The following SPDL1 variants were observed in gnomAD, a reference collection of about 807,000 sequenced individuals.
SPDL1 encodes protein Spindly.
Under a neutral mutation model 79.5 loss-of-function variants are expected in SPDL1, and 85 were observed. The ratio of observed to expected loss-of-function variants is 1.07; its 90% CI spans 0.90 to 1.28. The LOEUF (loss-of-function observed/expected upper bound fraction) is 1.28. SPDL1 is among the 50% of genes most tolerant of loss of function. SPDL1 has a pLI of 0.00. For synonymous variants in SPDL1, 269 were observed against 240.3 expected (o/e 1.12, Z -1.10); for missense variants, 703 against 697.8 (o/e 1.01, Z -0.08).
At chr5:169,595,074 A>G (rs1463099631) in intron 7 of SPDL1, among the ~76,000 whole-genome samples, 6 of 152,102 alleles carry the variant, frequency 3.9e-5, no homozygotes, top group African/African-American at 1.4e-4. Context: ...TCTTTCACCA[A>G]GGCTTATTAT....
intron 11 of SPDL1, chr5:169,601,864 A>G (rs776147543): frequency 1.7e-6 from 1 of 581,364 alleles, no homozygotes; most frequent in Admixed American, 2.7e-5. Flanking sequence ...TTTCTGTTTC[A>G]TGAAAGGGAA....
chr5:169,591,680 C>G (rs1561869377), intron 3 of SPDL1, among the ~76,000 whole-genome samples: 2 of 152,182 alleles, frequency 1.3e-5, no homozygotes, highest in African/African-American at 4.8e-5. Context: ...CCAGTTCTTA[C>G]AATAATATTG....
In SPDL1 at chr5:169,601,396, C is replaced by T; in HGVS notation, c.1441C>T (p.Pro481Ser). The change falls in exon 11 of 12, where the codon CCG becomes TCG. Residue 481 changes from proline to serine, a missense_variant. By Grantham distance (74) the Pro-to-Ser change is moderately conservative. Coordinates refer to ENST00000265295, the MANE Select transcript of SPDL1 (RefSeq NM_017785.5). ...SALGGEVYRL[P>S]PQKEETQSCP... The stretch of plus-strand genomic sequence containing the variant: ...TCTCGGGGGAGAAGTTTATCGATTA[C>T]CGCCTCAGAAAGAGGAGACACAGTC... The T allele has an allele frequency of 6.2e-7, 1 of 1,614,100 alleles. No individual in the cohort carries two copies. The highest frequency in any genetic ancestry group is 8.5e-7 in the Non-Finnish European group (1 of 1,180,028).
Position 169,598,528 on chromosome 5 carries a change from A to C in SPDL1, c.1085A>C (p.Glu362Ala). 1 of 1,613,390 alleles carries C rather than the reference A, an allele frequency of 6.2e-7. No individual in the cohort carries two copies. Among genetic ancestry groups the C allele is most frequent in the South Asian group, 1.1e-5 (1 of 91,056 alleles). The change falls in exon 9 of 12, where the codon GAA becomes GCA. Residue 362 changes from glutamate (E) to alanine (A), a missense_variant. Glu to Ala is a moderately radical substitution (Grantham distance 107). Coordinates refer to ENST00000265295, the MANE Select transcript of SPDL1 (RefSeq NM_017785.5). Reference protein sequence around the residue: ...SKPSVDSGTLEDNTYYTDLLQ... With the variant: ...SKPSVDSGTLADNTYYTDLLQ... Reference sequence around the variant, plus strand: ...CCTTCAGTCGACTCTGGTACTCTGGAAGATAACACCTATTATACAGATTTA... The same window carrying C: ...CCTTCAGTCGACTCTGGTACTCTGGCAGATAACACCTATTATACAGATTTA...
Position 169,591,123 on chromosome 5 carries a change from G to A in SPDL1, c.235G>A (p.Glu79Lys), listed in dbSNP as rs1270395773. The stretch of plus-strand genomic sequence containing the variant: ...TCGAATGTTAGAAAGTTTGAGCTGC[G>A]AATGTGAAGCTATTAAACAACAACA... ...KSRMLESLSC[E>K]CEAIKQQQKM... is the part of the protein sequence containing the mutation. Residue 79 changes from glutamate to lysine, a missense_variant, in exon 3 of 12, where the codon GAA becomes AAA. Transcript: ENST00000265295. The A allele has an allele frequency of 5.6e-6, 9 of 1,613,854 alleles. No individual in the cohort carries two copies. The highest frequency in any genetic ancestry group is 1.3e-5 in the African/African-American group (1 of 74,914).
chr5:169,584,418 A>C (rs1754871223), intron 1 of SPDL1, among the ~76,000 whole-genome samples: 1 of 152,206 alleles, frequency 6.6e-6, no homozygotes, highest in African/African-American at 2.4e-5. Flanking sequence ...GCTGGACAGC[A>C]CTGCCCCAGC....
Position 169,594,208 on chromosome 5 carries a change from A to G in SPDL1, c.595A>G (p.Thr199Ala). ...YRQEQLELLITNLMRQVDRLK... is the reference protein window; with the variant it reads ...YRQEQLELLIANLMRQVDRLK... ...ACAAGAACAGCTAGAACTTCTTATT[A>G]CTAACCTAATGCGCCAGGTAGACCG... Residue 199 changes from threonine to alanine, a missense_variant, in exon 5 of 12, where the codon ACT (threonine) becomes GCT (alanine). Coordinates refer to ENST00000265295, the MANE Select transcript of SPDL1 (RefSeq NM_017785.5). 6.2e-7 allele frequency: 1 copy of G among 1,613,922 alleles called. No homozygotes were observed.
chr5:169,602,395 T>C (rs994451512), intron 11 of SPDL1, among the ~76,000 whole-genome samples: 2 of 152,208 alleles, frequency 1.3e-5, no homozygotes, highest in African/African-American at 4.8e-5. Context: ...GATGTCTGCA[T>C]GCAATGGGAT....
At chr5:169,594,828 T>A in intron 7 of SPDL1, 147 bp downstream of exon 7, 1 of 539,934 alleles carries the variant, frequency 1.9e-6, no homozygotes, top group Non-Finnish European at 3.3e-6. Flanking sequence ...AAATCAATTT[T>A]GAAATTAAAA....
chr5:169,604,348 C>A lies in SPDL1; in HGVS notation c.*141C>A. ...CCTGGCATTTTCATGTGCCTTTGAC[C>A]AAGTGTTCAGAATTTGCTTGACTCT... is the stretch of plus-strand genomic sequence containing the variant. On this transcript the variant is annotated 3_prime_UTR_variant, in exon 12 of 12. Transcript: ENST00000265295. 1 of 821,168 alleles carries A rather than the reference C, an allele frequency of 1.2e-6. No homozygotes were observed. 50.9% of individuals were successfully genotyped at this position (821,168 alleles called of 1,614,324 possible).
In SPDL1 at chr5:169,591,177, C is replaced by G. The variant is rs763020085; in HGVS notation, c.289C>G (p.Gln97Glu). 5.6e-6 allele frequency: 9 copies of G among 1,613,828 alleles called. No individual in the cohort carries two copies. The highest frequency in any genetic ancestry group is 1.7e-5 in the Admixed American group (1 of 59,996). The stretch of plus-strand genomic sequence containing the variant: ...AATGCACCTGGAGAAATTGGAAGAA[C>G]AACTAAGCAGAAGCCATGGACAGGA... ...QKMHLEKLEEQLSRSHGQEVN... is the reference protein window; with the variant it reads ...QKMHLEKLEEELSRSHGQEVN... The change falls in exon 3 of 12, where the codon CAA (glutamine) becomes GAA (glutamate). Residue 97 changes from glutamine to glutamate, a missense_variant. Coordinates refer to ENST00000265295, the MANE Select transcript of SPDL1 (RefSeq NM_017785.5).
chr5:169,601,203 C>A, intron 10 of SPDL1, 77 bp from the exon 11 acceptor site: 1 of 1,293,976 alleles, frequency 7.7e-7, no homozygotes, highest in Non-Finnish European at 1.1e-6. Flanking sequence ...ATACATATAA[C>A]TAGTTCTGGC....
chr5:169,596,837 CCTTATA>C (rs1755612404), intron 8 of SPDL1, 136 bp downstream of exon 8: 3 of 673,334 alleles, frequency 4.5e-6, no homozygotes. Flanking sequence ...GGCTGTTTCT[CCTTATA>C]CTTAAACATC....
Position 169,601,368 on chromosome 5 carries a change from T to C in SPDL1, c.1413T>C (p.Ser471=). ...TTAKDACVNN[S]ALGGEVYRLP... Reference sequence around the variant, plus strand: ...CTAAAGATGCATGTGTCAACAACAGTGCTCTCGGGGGAGAAGTTTATCGAT... The same window carrying C: ...CTAAAGATGCATGTGTCAACAACAGCGCTCTCGGGGGAGAAGTTTATCGAT... Residue 471 remains serine (S), a synonymous_variant, in exon 11 of 12, where the codon AGT becomes AGC. Transcript: ENST00000265295. 1 of 1,614,124 alleles carries C rather than the reference T, an allele frequency of 6.2e-7. No individual in the cohort carries two copies. Among genetic ancestry groups the C allele is most frequent in the Non-Finnish European group, 8.5e-7 (1 of 1,180,006 alleles).
At chr5:169,593,261 C>T in intron 3 of SPDL1, 93 bp from the exon 4 acceptor site, 1 of 1,107,110 alleles carries the variant, frequency 9.0e-7, no homozygotes, top group Non-Finnish European at 1.3e-6. Context: ...ATAGTATCAT[C>T]ATTCAGTAAG....
chr5:169,587,366 G>A (rs561651786), intron 1 of SPDL1: 2 of 152,310 alleles, frequency 1.3e-5, no homozygotes, highest in African/African-American at 2.4e-5. Context: ...GCCCTTTGAA[G>A]GCAAAGGTGA....
At chr5:169,587,761 G>T (rs1755061270) in intron 1 of SPDL1, among the ~76,000 whole-genome samples, 1 of 152,078 alleles carries the variant, frequency 6.6e-6, no homozygotes. Flanking sequence ...TATTTCTCAA[G>T]ACAGTGTCTT....
chr5:169,598,472 T>A lies in SPDL1; in HGVS notation c.1033-4T>A. The A allele has an allele frequency of 6.2e-7, 1 of 1,602,510 alleles. No homozygotes were observed. Among genetic ancestry groups the A allele is most frequent in the Non-Finnish European group, 8.5e-7 (1 of 1,170,854 alleles). ...TAAGTAATACAAACTTTTGCTTTTT[T>A]AAGAATTTATATGACAGTATGGAAT... On this transcript the variant is annotated splice_region_variant and splice_polypyrimidine_tract_variant and intron_variant, in intron 8 of 11. Coordinates refer to ENST00000265295, the MANE Select transcript of SPDL1 (RefSeq NM_017785.5).
chr5:169,601,529 A>C lies in SPDL1; in HGVS notation c.1574A>C (p.Gln525Pro). 6.2e-7 allele frequency: 1 copy of C among 1,614,212 alleles called. No homozygotes were observed. The highest frequency in any genetic ancestry group is 1.6e-4 in the Middle Eastern group (1 of 6,062). The change falls in exon 11 of 12, where the codon CAG becomes CCG. Residue 525 changes from glutamine (Q) to proline (P), a missense_variant. Coordinates refer to ENST00000265295, the MANE Select transcript of SPDL1 (RefSeq NM_017785.5). The part of the protein sequence containing the change: ...SPHKNLPVDM[Q>P]LKKEKKCVKL... ...CACAAAAATCTGCCCGTGGATATGC[A>C]GCTGAAGAAGGAAAAGAAATGTGTG...
Sources: allele counts gnomAD v4.1 joint callset (sites outside exome capture counted in the v4.1 genomes callset), GRCh38; gene constraint gnomAD v4.1.1; transcripts MANE v1.5; gene names NCBI Gene and HGNC (gene_info 2026-07-23, HGNC 2026-07-21).